Variants in HJURP observed in about 807,000 individuals in gnomAD.
HJURP encodes the protein Holliday junction recognition protein.
HJURP carries 49 observed loss-of-function variants against 72.0 expected under a neutral mutation model. The ratio of observed to expected loss-of-function variants is 0.68; its 90% confidence interval spans 0.54 to 0.86. The LOEUF (loss-of-function observed/expected upper bound fraction) is 0.86. Ranked by LOEUF, HJURP falls within the 40% of genes least tolerant of loss-of-function variation. The probability of loss-of-function intolerance (pLI) is 0.00; values close to 1 mark genes in which losing one functional copy is unlikely to be tolerated. For synonymous variants in HJURP, 357 were observed against 347.1 expected, an observed-to-expected ratio of 1.03 and a Z score of -0.32; for missense variants, 908 against 936.3, an observed-to-expected ratio of 0.97 and a Z score of 0.39.
In HJURP at chr2:233,841,775, C is replaced by T. The variant is rs1430556988; in HGVS notation, c.1005G>A (p.Gly335=). 4.3e-6 allele frequency: 7 copies of T among 1,614,142 alleles called. No individual in the cohort carries two copies. The highest frequency in any genetic ancestry group is 5.9e-6 in the Non-Finnish European group (7 of 1,180,016). ...ATACGTTCTTGCAATCTCTTAATGC[C>T]CCTGTCCCTTTCACAGGCTCAGAGC... ...IPCSEPVKGT[G]ALRDCKNVLD... Residue 335 remains glycine (G), a synonymous_variant, in exon 8 of 9, where the codon GGG becomes GGA. Coordinates refer to ENST00000411486, the MANE Select transcript of HJURP (RefSeq NM_018410.5).
intron 3 of HJURP, 74 bp downstream of exon 3, chr2:233,852,491 A>C: frequency 9.0e-7 from 1 of 1,114,134 alleles, no homozygotes; most frequent in Non-Finnish European, 1.4e-6. Context: ...GAGGTTGGGC[A>C]TACCCACACC....
rs920245601 is a variant in HJURP at position 233,837,004 on chromosome 2, A to G, written c.*573T>C. On this transcript the variant is annotated 3_prime_UTR_variant, in exon 9 of 9. Transcript: ENST00000411486. The stretch of plus-strand genomic sequence containing the variant: ...CATATCTAAATTTAAAAAAGAACAC[A>G]CGGCTGGGAGCAGTGGCTCACGCCT... The G allele has an allele frequency of 1.3e-5, 2 of 152,406 alleles. No individual in the cohort carries two copies. The highest frequency in any genetic ancestry group is 1.5e-5 in the Non-Finnish European group (1 of 68,222). The allele number at this position is 152,406 out of a possible 1,614,324, so 9.4% of individuals were successfully genotyped here.
intron 1 of HJURP, among the ~76,000 whole-genome samples, 172 bp downstream of exon 1, chr2:233,854,212 C>T (rs1436321595): frequency 2.6e-5 from 4 of 152,162 alleles, no homozygotes; most frequent in African/African-American, 9.7e-5. Flanking sequence ...CTTTTTCCCT[C>T]TCCGGAGCCC....
chr2:233,842,352 CTCT>C, intron 7 of HJURP, 147 bp from the exon 8 acceptor site: 1 of 634,032 alleles, frequency 1.6e-6, no homozygotes, highest in Non-Finnish European at 2.6e-6. Flanking sequence ...TAGGAGTAGA[CTCT>C]TCTCAGAGAT....
Position 233,846,012 on chromosome 2 carries a change from T to TA in HJURP, c.403-193dup. On this transcript the variant is annotated intron_variant, in intron 5 of 8. Transcript: ENST00000411486. The surrounding 1 kb of genome is among the most constrained non-coding windows in gnomAD (Gnocchi z 4.3). ...GCTATGTTAATAATCCAAAAGAATG[T>TA]AAAAAGACACACACACACAAAAAAA... 2 of 517,248 alleles carry TA rather than the reference T, an allele frequency of 3.9e-6. No homozygotes were observed. The highest frequency in any genetic ancestry group is 3.4e-5 in the Admixed American group (1 of 29,308). 32.0% of individuals were successfully genotyped at this position (517,248 alleles called of 1,614,324 possible). A position where few individuals can be genotyped will look rare whatever the true frequency, so the allele number is the denominator to read the frequency against.
rs61068857 is a variant in HJURP at position 233,843,172 on chromosome 2, GAAT to G, written c.575-970_575-968del. On this transcript the variant is annotated intron_variant, in intron 7 of 8. Coordinates refer to ENST00000411486, the MANE Select transcript of HJURP (RefSeq NM_018410.5). ...AGAGGGGAGATAGCTCTTTTGAGCA[GAAT>G]AATGCCAACTGACGTGTGCCAAGGA... 6.8e-3 allele frequency among the ~76,000 whole-genome samples: 1,041 copies of G among 152,276 alleles called. 13 individuals are homozygous for G. Among genetic ancestry groups the G allele is most frequent in the African/African-American group, 0.024 (1,001 of 41,552 alleles).
chr2:233,846,131 A>G lies in HJURP; in HGVS notation c.403-311T>C, dbSNP rs1258646074. The G allele has an allele frequency of 4.4e-6, 1 of 226,924 alleles. No homozygotes were observed. Among genetic ancestry groups the G allele is most frequent in the African/African-American group, 2.3e-5 (1 of 43,890 alleles). 14.1% of individuals were successfully genotyped at this position (226,924 alleles called of 1,614,324 possible). On this transcript the variant is annotated intron_variant, in intron 5 of 8. Transcript: ENST00000411486. This position sits in a 1 kb window ranked among gnomAD's most constrained non-coding sequence, Gnocchi z 4.3. ...AGTTCAGGACTCAACTACTGGTAATAACTTCAAACTGGTAAGTTTATAAGA... is the reference window on the plus strand; with the variant it reads ...AGTTCAGGACTCAACTACTGGTAATGACTTCAAACTGGTAAGTTTATAAGA...
At chr2:233,854,277 C>A (rs949690946) in intron 1 of HJURP, 107 bp downstream of exon 1, 2 of 726,510 alleles carry the variant, frequency 2.8e-6, no homozygotes, top group Non-Finnish European at 4.5e-6. Flanking sequence ...GCTTCCCCAA[C>A]CCCCGCTCCG....
intron 2 of HJURP, among the ~76,000 whole-genome samples, chr2:233,853,458 A>G (rs1705543040): frequency 6.6e-6 from 1 of 152,206 alleles, no homozygotes; most frequent in Non-Finnish European, 1.5e-5. Context: ...GGGGCGGGGT[A>G]CTGTTCACAG....
rs528649904 is a variant in HJURP at position 233,846,986 on chromosome 2, G to C, written c.402+411C>G. ...GCCCAATGAGGCGACCTTGTGACTT[G>C]GGGCATTTGAGGACAGACCTGGAAA... is the stretch of plus-strand genomic sequence containing the variant. On this transcript the variant is annotated intron_variant, in intron 5 of 8. Transcript: ENST00000411486. This position sits in a 1 kb window ranked among gnomAD's most constrained non-coding sequence, Gnocchi z 4.3. 6.6e-6 allele frequency among the ~76,000 whole-genome samples: 1 copy of C among 152,112 alleles called. No homozygotes were observed. Among genetic ancestry groups the C allele is most frequent in the Non-Finnish European group, 1.5e-5 (1 of 68,004 alleles).
At chr2:233,844,971 C>G (rs950263854) in intron 6 of HJURP, among the ~76,000 whole-genome samples, 1 of 147,096 alleles carries the variant, frequency 6.8e-6, no homozygotes, top group Admixed American at 6.7e-5. Context: ...TCACATCCCC[C>G]CCCTCCCAAC....
In HJURP at chr2:233,841,779, G is replaced by A; in HGVS notation, c.1001C>T (p.Thr334Ile). The A allele has an allele frequency of 1.2e-6, 2 of 1,614,144 alleles. No individual in the cohort carries two copies. Among genetic ancestry groups the A allele is most frequent in the South Asian group, 2.2e-5 (2 of 91,082 alleles). The part of the protein sequence containing the change: ...FIPCSEPVKG[T>I]GALRDCKNVL... Reference sequence around the variant, plus strand: ...GTTCTTGCAATCTCTTAATGCCCCTGTCCCTTTCACAGGCTCAGAGCAGGG... The same window carrying A: ...GTTCTTGCAATCTCTTAATGCCCCTATCCCTTTCACAGGCTCAGAGCAGGG... The change falls in exon 8 of 9, where the codon ACA (threonine) becomes ATA (isoleucine). Residue 334 changes from threonine to isoleucine, a missense_variant. Thr to Ile is a moderately conservative substitution (Grantham distance 89). This residue lies in a region of HJURP where 598 missense variants were observed against 619.5 expected (regional missense o/e 0.97). Coordinates refer to ENST00000411486, the MANE Select transcript of HJURP (RefSeq NM_018410.5).
intron 1 of HJURP, 126 bp downstream of exon 1, chr2:233,854,258 C>G: frequency 1.5e-6 from 1 of 653,076 alleles, no homozygotes; most frequent in Non-Finnish European, 2.6e-6. Flanking sequence ...GCATCCAAGC[C>G]CCAGTCCCGC....
Position 233,850,860 on chromosome 2 carries a change from A to ATCTGGTAGCTACAAACAGAACCCAGG in HJURP, c.241-1002_241-1001insCCTGGGTTCTGTTTGTAGCTACCAGA, listed in dbSNP as rs1559499563. ...TGGTAGCTACAAACAGAACCCAGGC[A>ATCTGGTAGCTACAAACAGAACCCAGG]TTGTGTTATAACCAACCCAGCACAG... is the stretch of plus-strand genomic sequence containing the variant. On this transcript the variant is annotated intron_variant, in intron 3 of 8. Coordinates refer to ENST00000411486, the MANE Select transcript of HJURP (RefSeq NM_018410.5). Among the ~76,000 whole-genome samples, 7 of 152,322 alleles carry ATCTGGTAGCTACAAACAGAACCCAGG rather than the reference A, an allele frequency of 4.6e-5. No individual in the cohort carries two copies. The East Asian group carries it at 1.4e-3, about 29-fold the overall frequency.
At position 233,840,886 on chromosome 2, in the gene HJURP, G is replaced by A. The variant is rs775086164; in HGVS notation, c.1894C>T (p.His632Tyr). The A allele has an allele frequency of 1.9e-6, 3 of 1,614,184 alleles. No homozygotes were observed. Among genetic ancestry groups the A allele is most frequent in the South Asian group, 1.1e-5 (1 of 91,076 alleles). ...GFLGKLNPDP[H>Y]FQGFQKLPSS... Reference sequence around the variant, plus strand: ...GGCAACTTCTGGAAACCCTGGAAGTGAGGGTCTGGATTTAATTTTCCTAAG... The same window carrying A: ...GGCAACTTCTGGAAACCCTGGAAGTAAGGGTCTGGATTTAATTTTCCTAAG... Residue 632 changes from histidine (H) to tyrosine (Y), a missense_variant, in exon 8 of 9, where the codon CAC becomes TAC. By Grantham distance (83) the His-to-Tyr change is moderately conservative (BLOSUM62 2). Around this residue, in one of 3 missense-constraint regions of HJURP, gnomAD observed 598 missense variants for 619.5 expected, o/e 0.97. Transcript: ENST00000411486.
At chr2:233,854,048 C>CGAGAT in intron 1 of HJURP, 138 bp from the exon 2 acceptor site, 1 of 691,314 alleles carries the variant, frequency 1.4e-6, no homozygotes, top group Non-Finnish European at 2.5e-6. Flanking sequence ...AGCGGAGCCC[C>CGAGAT]CAACTCCGCC....
rs1705239076 is a variant in HJURP at position 233,841,784 on chromosome 2, T to C, written c.996A>G (p.Lys332=). Residue 332 remains lysine (K), a synonymous_variant, in exon 8 of 9, where the codon AAA becomes AAG. Transcript: ENST00000411486. ...TGCAATCTCTTAATGCCCCTGTCCC[T>C]TTCACAGGCTCAGAGCAGGGTATGA... The part of the protein sequence containing the change: ...ENFIPCSEPV[K]GTGALRDCKN... 12 of 1,614,202 alleles carry C rather than the reference T, an allele frequency of 7.4e-6. No individual in the cohort carries two copies. Among genetic ancestry groups the C allele is most frequent in the Non-Finnish European group, 1.0e-5 (12 of 1,180,014 alleles).
intron 6 of HJURP, among the ~76,000 whole-genome samples, chr2:233,845,299 G>A (rs1374952689): frequency 2.0e-5 from 3 of 152,122 alleles, no homozygotes; most frequent in East Asian, 1.9e-4. Context: ...TTACAAGCAC[G>A]CACCACCACA....
intron 6 of HJURP, 146 bp downstream of exon 6, chr2:233,845,582 A>T (rs1040056351): frequency 1.7e-6 from 1 of 586,664 alleles, no homozygotes; most frequent in African/African-American, 1.9e-5. Context: ...GTATGTCAGC[A>T]TGTGAATAAA....
Sources: allele counts gnomAD v4.1 joint callset (sites outside exome capture counted in the v4.1 genomes callset), GRCh38; gene constraint gnomAD v4.1.1; regional missense constraint gnomAD v4.1.1; non-coding constraint Gnocchi (gnomAD v3.1); transcripts MANE v1.5; gene names NCBI Gene and HGNC (gene_info 2026-07-23, HGNC 2026-07-21).